CA10: variants seen among roughly 807,000 people sequenced by gnomAD.
CA10 encodes carbonic anhydrase-related protein 10.
CA10 carries 14 observed loss-of-function variants against 44.2 expected under a neutral mutation model. That is an observed-to-expected ratio of 0.32 (90% CI 0.21 to 0.50). The LOEUF (loss-of-function observed/expected upper bound fraction) is 0.50, where lower values mean the gene tolerates loss of function less well. CA10 is among the 20% of genes least tolerant of loss of function. The probability of loss-of-function intolerance (pLI) is 0.99; values close to 1 mark genes in which losing one functional copy is unlikely to be tolerated. For synonymous variants in CA10, 159 were observed against 141.6 expected (o/e 1.12, Z -0.87); for missense variants, 350 against 409.7 (o/e 0.85, Z 1.26).
intron 2 of CA10, among the ~76,000 whole-genome samples, chr17:52,064,971 A>G (rs76947751): frequency 6.6e-6 from 1 of 152,142 alleles, no homozygotes; most frequent in Non-Finnish European, 1.5e-5. Flanking sequence ...ATTGTCCTTT[A>G]TTTCCAGGAT....
At position 51,870,528 on chromosome 17, in the gene CA10, A is replaced by G. The variant is rs1979754480; in HGVS notation, c.279+60462T>C. Among the ~76,000 whole-genome samples, 3 of 152,252 alleles carry G rather than the reference A, an allele frequency of 2.0e-5. No individual in the cohort carries two copies. The South Asian group carries it at 6.2e-4, about 32-fold the overall frequency. On this transcript the variant is annotated intron_variant, in intron 3 of 8. Coordinates refer to ENST00000451037, the MANE Select transcript of CA10 (RefSeq NM_020178.5). ...GTTGAGAATAATAAAACAGTCCATA[A>G]AAGCTATGAAATAAATCAACTGTTC...
intron 4 of CA10, among the ~76,000 whole-genome samples, chr17:51,742,824 G>C (rs1280053365): frequency 6.6e-6 from 1 of 152,214 alleles, no homozygotes; most frequent in African/African-American, 2.4e-5. Context: ...GCAAGGTCAA[G>C]GTGTTTCTAT....
At chr17:52,055,657 AAT>A (rs765473902) in intron 2 of CA10, among the ~76,000 whole-genome samples, 2 of 152,096 alleles carry the variant, frequency 1.3e-5, no homozygotes, top group Admixed American at 6.6e-5. Flanking sequence ...GTCCTATAAT[AAT>A]ATATTACTGA....
chr17:52,108,192 TTTTATATATATATATA>T (rs146803297), intron 1 of CA10, among the ~76,000 whole-genome samples: 32,096 of 113,044 alleles, frequency 0.28, 4,351 homozygotes, highest in South Asian at 0.46. Flanking sequence ...TATATATATT[TTTTATATATATATATA>T]TATATATATA....
chr17:52,121,807 C>T (rs185838327), intron 1 of CA10, among the ~76,000 whole-genome samples: 3 of 152,278 alleles, frequency 2.0e-5, no homozygotes, highest in African/African-American at 7.2e-5. Flanking sequence ...GTCTCCCAGA[C>T]AATCCTGCCC....
At chr17:51,643,198 C>T (rs1207272955) in intron 6 of CA10, among the ~76,000 whole-genome samples, 1 of 151,968 alleles carries the variant, frequency 6.6e-6, no homozygotes, top group Non-Finnish European at 1.5e-5. Flanking sequence ...ATAATGCTGG[C>T]TTAATGAAAT....
chr17:51,641,876 C>T (rs1183192346), intron 6 of CA10, among the ~76,000 whole-genome samples: 2 of 151,980 alleles, frequency 1.3e-5, no homozygotes, highest in African/African-American at 2.4e-5. Context: ...TAATATTGCC[C>T]GGCTTCCTGC....
chr17:51,846,227 A>G (rs905694225), intron 3 of CA10, among the ~76,000 whole-genome samples: 3 of 152,248 alleles, frequency 2.0e-5, no homozygotes, highest in African/African-American at 7.2e-5. Flanking sequence ...ATCATTATCA[A>G]TCAGGAACCA....
chr17:51,812,569 A>G (rs1907413864), intron 3 of CA10, among the ~76,000 whole-genome samples: 1 of 152,248 alleles, frequency 6.6e-6, no homozygotes, highest in African/African-American at 2.4e-5. Context: ...TGAAGAAGAT[A>G]TTGAGAGCAA....
intron 3 of CA10, among the ~76,000 whole-genome samples, chr17:51,876,470 G>A (rs1006644561): frequency 1.9e-4 from 28 of 151,304 alleles, no homozygotes; most frequent in African/African-American, 6.3e-4. Flanking sequence ...GCATGAGTCA[G>A]TGCACCTGGC....
At position 51,631,623 on chromosome 17, in the gene CA10, A is replaced by AG. The variant is rs1491388798; in HGVS notation, c.965-18dup. ...ATTCATTTACTGCAAAGAGAGAGAA[A>AG]GAAAAAAAAAATCACACATACAACA... On this transcript the variant is annotated splice_polypyrimidine_tract_variant and intron_variant, in intron 8 of 8. Transcript: ENST00000451037. 12 of 1,609,236 alleles carry AG rather than the reference A, an allele frequency of 7.5e-6. No homozygotes were observed. Among genetic ancestry groups the AG allele is most frequent in the Non-Finnish European group, 1.0e-5 (12 of 1,176,108 alleles).
intron 3 of CA10, among the ~76,000 whole-genome samples, chr17:51,860,555 A>C (rs1272774861): frequency 6.6e-6 from 1 of 152,198 alleles, no homozygotes; most frequent in East Asian, 1.9e-4. Flanking sequence ...GCCCCTGTCC[A>C]CATTCACTTT....
intron 2 of CA10, among the ~76,000 whole-genome samples, chr17:51,946,041 T>C (rs1276680314): frequency 6.6e-6 from 1 of 152,106 alleles, no homozygotes; most frequent in East Asian, 1.9e-4. Flanking sequence ...GCTTATTAAC[T>C]AAGCCAGGCC....
chr17:51,754,946 TTATC>T (rs1168401712), intron 3 of CA10, among the ~76,000 whole-genome samples: 1 of 151,922 alleles, frequency 6.6e-6, no homozygotes, highest in Non-Finnish European at 1.5e-5. Flanking sequence ...TATAGCTACA[TTATC>T]TATATCTGTA....
At chr17:51,803,639 TA>T in intron 3 of CA10, among the ~76,000 whole-genome samples, 1 of 152,382 alleles carries the variant, frequency 6.6e-6, no homozygotes, top group Non-Finnish European at 1.5e-5. Context: ...GTTCCAGCTT[TA>T]GTCAGTTTAG....
chr17:51,669,200 C>G (rs1391755488), intron 4 of CA10, among the ~76,000 whole-genome samples: 3 of 152,272 alleles, frequency 2.0e-5, no homozygotes, highest in African/African-American at 7.2e-5. Flanking sequence ...GCCAGCTGGG[C>G]TCCTGAGTCG....
chr17:51,643,865 T>A (rs1450702641), intron 6 of CA10, among the ~76,000 whole-genome samples: 1 of 152,202 alleles, frequency 6.6e-6, no homozygotes, highest in Non-Finnish European at 1.5e-5. Flanking sequence ...CATTACCTTG[T>A]TTGATTCTCA....
In CA10 at chr17:51,703,323, T is replaced by C. The variant is rs189580079; in HGVS notation, c.465+44310A>G. On this transcript the variant is annotated intron_variant, in intron 4 of 8. Coordinates refer to ENST00000451037, the MANE Select transcript of CA10 (RefSeq NM_020178.5). The stretch of plus-strand genomic sequence containing the variant: ...AACTCCAACAAGGAAGTCAGCACAT[T>C]TGGAATATCATTATCTTTCCATGAT... Among the ~76,000 whole-genome samples, 89 of 152,284 alleles carry C rather than the reference T, an allele frequency of 5.8e-4. 1 individual carries two copies. Among genetic ancestry groups the C allele is most frequent in the African/African-American group, 2.0e-3 (83 of 41,578 alleles).
chr17:52,032,012 C>T (rs1235913378), intron 2 of CA10, among the ~76,000 whole-genome samples: 1 of 152,156 alleles, frequency 6.6e-6, no homozygotes, highest in Non-Finnish European at 1.5e-5. Flanking sequence ...ATCTCTAATA[C>T]ACACAAATAA....
Sources: gnomAD v4.1 joint callset for allele counts (sites outside exome capture counted in the v4.1 genomes callset) on GRCh38, gnomAD v4.1.1 for gene constraint, MANE v1.5 for transcripts, NCBI Gene and HGNC (gene_info 2026-07-23, HGNC 2026-07-21) for gene names.